LYST: variants seen among roughly 807,000 people sequenced by gnomAD.
The protein encoded by LYST is lysosomal trafficking regulator.
LYST carries 192 observed loss-of-function variants against 413.6 expected under a neutral mutation model. The ratio of observed to expected loss-of-function variants is 0.46; its 90% CI spans 0.41 to 0.52. LYST has a LOEUF of 0.52. Ranked by LOEUF, LYST falls within the 20% of genes least tolerant of loss-of-function variation. The probability of loss-of-function intolerance (pLI) is 0.00; values close to 1 mark genes in which losing one functional copy is unlikely to be tolerated. For synonymous variants in LYST, 1,525 were observed against 1,567.3 expected (o/e 0.97, Z 0.64); for missense variants, 3,815 against 4,499.9 (o/e 0.85, Z 4.35).
In LYST at chr1:235,662,879, T is replaced by C. The variant is rs1658142509; in HGVS notation, c.*61A>G. ...TTTAGGTTCAACCTCCTAAAACTGG[T>C]GAAGTCAACAAATCTAGTTTGGAGT... On this transcript the variant is annotated 3_prime_UTR_variant, in exon 53 of 53. Transcript: ENST00000389793. The C allele has an allele frequency of 2.2e-6, 2 of 927,110 alleles. No individual in the cohort carries two copies. The highest frequency in any genetic ancestry group is 3.6e-6 in the Non-Finnish European group (2 of 552,270). The allele number at this position is 927,110 out of a possible 1,614,324, so 57.4% of individuals were successfully genotyped here.
rs1672163806 is a variant in LYST, at chr1:235,801,084, C to CTT, written c.3724_3725dup (p.Glu1244LeufsTer24). On this transcript the variant is annotated frameshift_variant, in exon 9 of 53. Coordinates refer to ENST00000389793, the MANE Select transcript of LYST (RefSeq NM_000081.4). LOFTEE classifies it high-confidence loss of function. ...ATGCACTGAAACCTTCTGTTTCAGA[C>CTT]TTTAAGTCTACCCCTGAAAAGAGAA... 1 of 1,601,154 alleles carries CTT rather than the reference C, an allele frequency of 6.2e-7. No homozygotes were observed. The highest frequency in any genetic ancestry group is 1.3e-5 in the African/African-American group (1 of 74,660).
At position 235,716,725 on chromosome 1, in the gene LYST, A is replaced by C. The variant is rs781070390; in HGVS notation, c.9614T>G (p.Val3205Gly). 6 of 1,593,232 alleles carry C rather than the reference A, an allele frequency of 3.8e-6. No homozygotes were observed. Among genetic ancestry groups the C allele is most frequent in the Non-Finnish European group, 5.2e-6 (6 of 1,161,708 alleles). Reference sequence around the variant, plus strand: ...AACAAAAGCTACCTTGTATGTGTCCACATAACGATCTTCTTTTTCTTTATA... The same window carrying C: ...AACAAAAGCTACCTTGTATGTGTCCCCATAACGATCTTCTTTTTCTTTATA... ...VQYKEKEDRY[V>G]DTYKYLEEEY... Residue 3205 changes from valine (V) to glycine (G), a missense_variant, in exon 41 of 53, where the codon GTG (valine) becomes GGG (glycine). Physicochemically the swap from Val to Gly is moderately radical, Grantham distance 109. Around this residue, in one of 4 missense-constraint regions of LYST, gnomAD observed 866 missense variants for 1,156.0 expected, o/e 0.75. Transcript: ENST00000389793.
chr1:235,720,948 G>C (rs1489459698), intron 39 of LYST, 43 bp from the exon 40 acceptor site: 1 of 1,596,050 alleles, frequency 6.3e-7, no homozygotes, highest in African/African-American at 1.3e-5. Flanking sequence ...ATTATTTTTA[G>C]TCTTATTGGC....
At chr1:235,858,833 A>G (rs1274781711) in intron 1 of LYST, among the ~76,000 whole-genome samples, 2 of 151,648 alleles carry the variant, frequency 1.3e-5, no homozygotes, top group Non-Finnish European at 2.9e-5. Context: ...AGTTCAGTCT[A>G]TTTGTTTTCT....
intron 1 of LYST, among the ~76,000 whole-genome samples, chr1:235,849,665 A>G (rs551752345): frequency 2.5e-4 from 38 of 152,138 alleles, no homozygotes; most frequent in Middle Eastern, 6.8e-3. Flanking sequence ...AGAATTCAAC[A>G]AAGTTTCTGG....
intron 1 of LYST, among the ~76,000 whole-genome samples, chr1:235,861,101 G>A (rs1679815438): frequency 6.6e-6 from 1 of 152,050 alleles, no homozygotes. Flanking sequence ...AGTGGCAGTA[G>A]TTTTATAAAC....
Position 235,808,823 on chromosome 1 carries a change from TGAG to T in LYST, c.1992_1994del (p.Ser666del), listed in dbSNP as rs746483299. 16 of 1,613,896 alleles carry T rather than the reference TGAG, an allele frequency of 9.9e-6. No individual in the cohort carries two copies. The South Asian group carries it at 1.6e-4, about 17-fold the overall frequency. ...ATCTGTAAGAAGGACTGGATAAACT[TGAG>T]GAGAGTTCAGCATCACATAAGTTTC... On this transcript the variant is annotated inframe_deletion, in exon 5 of 53. Coordinates refer to ENST00000389793, the MANE Select transcript of LYST (RefSeq NM_000081.4).
intron 1 of LYST, among the ~76,000 whole-genome samples, chr1:235,881,076 T>C (rs1440652708): frequency 2.0e-5 from 3 of 152,196 alleles, no homozygotes; most frequent in Non-Finnish European, 4.4e-5. Context: ...GTACGTGATA[T>C]ACAGGGCAGG....
intron 1 of LYST, among the ~76,000 whole-genome samples, chr1:235,839,287 C>T (rs929133475): frequency 2.1e-4 from 32 of 150,504 alleles, no homozygotes; most frequent in African/African-American, 7.1e-4. Flanking sequence ...GACAGAATCT[C>T]GCTCTGTCGC....
At chr1:235,705,772 T>C (rs1661936760) in intron 44 of LYST, among the ~76,000 whole-genome samples, 1 of 151,990 alleles carries the variant, frequency 6.6e-6, no homozygotes, top group South Asian at 2.1e-4. Flanking sequence ...ATGAAGTTAA[T>C]GTTAAGATTC....
At chr1:235,815,533 T>C (rs1346842759) in intron 3 of LYST, among the ~76,000 whole-genome samples, 2 of 152,108 alleles carry the variant, frequency 1.3e-5, no homozygotes, top group East Asian at 1.9e-4. Context: ...GGCTTTTTCA[T>C]AGAAAGCAAG....
chr1:235,752,158 C>A lies in LYST; in HGVS notation c.7474G>T (p.Glu2492Ter). The A allele has an allele frequency of 6.2e-7, 1 of 1,608,416 alleles. No individual in the cohort carries two copies. The highest frequency in any genetic ancestry group is 1.1e-5 in the South Asian group (1 of 90,834). ...ATATCACAAGCAAGCAATTTATATT[C>A]ACTCATGGGAATGCTAAAGATAACA... ...NGLEKNIPMS[E>*]YKLLACDIQQ... is the part of the protein sequence containing the mutation. The change falls in exon 27 of 53, where the codon GAA becomes TAA. Residue 2492 changes from glutamate (E) to a stop codon, truncating the protein, a stop_gained. Transcript: ENST00000389793. LOFTEE classifies it high-confidence loss of function.
intron 5 of LYST, among the ~76,000 whole-genome samples, chr1:235,808,148 G>A (rs1232854224): frequency 6.6e-6 from 1 of 151,996 alleles, no homozygotes; most frequent in Non-Finnish European, 1.5e-5. Flanking sequence ...TCTTTTTGTT[G>A]AGAAATTAAA....
At chr1:235,709,858 T>C (rs887148013) in intron 43 of LYST, among the ~76,000 whole-genome samples, 2 of 143,708 alleles carry the variant, frequency 1.4e-5, no homozygotes, top group Non-Finnish European at 2.9e-5. Flanking sequence ...GGGTCTGTTC[T>C]GACTTCCTTT....
chr1:235,840,738 T>G (rs2103044620), intron 1 of LYST, among the ~76,000 whole-genome samples: 1 of 152,288 alleles, frequency 6.6e-6, no homozygotes, highest in South Asian at 2.1e-4. Flanking sequence ...GGAAGACACA[T>G]TTTATGGAGA....
chr1:235,770,156 G>A lies in LYST; in HGVS notation c.5922+4C>T. 6.2e-7 allele frequency: 1 copy of A among 1,612,852 alleles called. No homozygotes were observed. Among genetic ancestry groups the A allele is most frequent in the Non-Finnish European group, 8.5e-7 (1 of 1,179,582 alleles). On this transcript the variant is annotated splice_donor_region_variant and intron_variant, in intron 20 of 52. Coordinates refer to ENST00000389793, the MANE Select transcript of LYST (RefSeq NM_000081.4). ...TTCCAAAAGTAAAGTTACATGAAAA[G>A]TACCTGCAAAACCTGACAAGTCAGT...
chr1:235,738,865 C>T, intron 31 of LYST: 1 of 758,972 alleles, frequency 1.3e-6, no homozygotes, highest in Non-Finnish European at 2.5e-6. Flanking sequence ...CTTAGCATTC[C>T]TTGCATCTTG....
chr1:235,878,912 T>TG (rs1027737257), intron 1 of LYST, among the ~76,000 whole-genome samples: 2 of 152,132 alleles, frequency 1.3e-5, no homozygotes, highest in African/African-American at 4.8e-5. Context: ...GATTTAGGGG[T>TG]GCAAGTGCAA....
At chr1:235,667,092 C>A (rs546756453) in intron 50 of LYST, among the ~76,000 whole-genome samples, 1 of 152,288 alleles carries the variant, frequency 6.6e-6, no homozygotes, top group African/African-American at 2.4e-5. Context: ...CTGTAAGTAT[C>A]AAAATTTGAC....
Sources: gnomAD v4.1 joint callset for allele counts (sites outside exome capture counted in the v4.1 genomes callset) on GRCh38, gnomAD v4.1.1 for gene constraint, gnomAD v4.1.1 regional missense constraint, MANE v1.5 for transcripts, NCBI Gene and HGNC (gene_info 2026-07-23, HGNC 2026-07-21) for gene names.